Variants in SUN1 observed in about 807,000 individuals in gnomAD.
SUN1 encodes Sad1 and UNC84 domain containing 1.
In SUN1, 61 loss-of-function variants were observed where a neutral mutation model predicts 103.2. The observed-to-expected ratio is 0.59, with a 90% CI of 0.48 to 0.73. SUN1 has a LOEUF of 0.73. Among genes scored for constraint, SUN1 ranks in the 30% least tolerant of loss-of-function variants. The pLI is 0.00. For missense variants in SUN1, 1,052 were observed against 1,034.6 expected, an observed-to-expected ratio of 1.02 and a Z score of -0.23; for synonymous variants, 490 against 425.7, an observed-to-expected ratio of 1.15 and a Z score of -1.86.
At chr7:842,222 G>A (rs1017021001) in intron 3 of SUN1, 92 bp downstream of exon 3, 12 of 1,375,078 alleles carry the variant, frequency 8.7e-6, no homozygotes, top group Admixed American at 8.5e-5. Flanking sequence ...CCAGGTTGTC[G>A]GTTTGCATGG....
At chr7:859,637 C>G (rs997435558) in intron 13 of SUN1, among the ~76,000 whole-genome samples, 5 of 152,176 alleles carry the variant, frequency 3.3e-5, no homozygotes, top group Non-Finnish European at 7.4e-5. Flanking sequence ...CCTTCACGGT[C>G]TGTTGTTACG....
At chr7:828,380 T>A (rs1794803164), upstream of SUN1, among the ~76,000 whole-genome samples, 2 of 151,998 alleles carry the variant, frequency 1.3e-5, no homozygotes. Context: ...CAATCAGTTC[T>A]CCTGCCTCAG....
At chr7:840,544 C>T (rs1397458958) in intron 2 of SUN1, among the ~76,000 whole-genome samples, 4 of 152,110 alleles carry the variant, frequency 2.6e-5, no homozygotes, top group Non-Finnish European at 4.4e-5. Context: ...CCCTACCTGA[C>T]GGTGGTAACA....
intron 1 of SUN1, among the ~76,000 whole-genome samples, chr7:826,943 T>C (rs1379760974): frequency 6.6e-6 from 1 of 152,254 alleles, no homozygotes; most frequent in African/African-American, 2.4e-5. Context: ...AAGTTTGCCT[T>C]TTCCAGTTTT....
Position 845,459 on chromosome 7 carries a change from G to T in SUN1, c.658+1939G>T, listed in dbSNP as rs547509074. Among the ~76,000 whole-genome samples, 33 of 152,080 alleles carry T rather than the reference G, an allele frequency of 2.2e-4. No homozygotes were observed. The South Asian group carries it at 5.8e-3, about 27-fold the overall frequency. Reference sequence around the variant, plus strand: ...CACACTAGTGTATCGCCCTGTATTAGAGTAAAACATGTTTATCAAAGAACA... The same window carrying T: ...CACACTAGTGTATCGCCCTGTATTATAGTAAAACATGTTTATCAAAGAACA... On this transcript the variant is annotated intron_variant, in intron 5 of 18. Transcript: ENST00000401592.
chr7:851,998 A>G lies in SUN1; in HGVS notation c.806A>G (p.Gln269Arg), dbSNP rs1160003034. The G allele has an allele frequency of 1.2e-6, 2 of 1,614,016 alleles. No individual in the cohort carries two copies. Among genetic ancestry groups the G allele is most frequent in the African/African-American group, 1.3e-5 (1 of 74,928 alleles). Residue 269 changes from glutamine to arginine, a missense_variant, in exon 7 of 19, where the codon CAG (glutamine) becomes CGG (arginine). Transcript: ENST00000401592. ...VFWWLGIGWY[Q>R]FVTLISWLNV... is the part of the protein sequence containing the mutation. ...TGGTGGCTGGGGATTGGATGGTACC[A>G]GTTTGTTACTTTGATTTCTTGGCTG...
At chr7:869,291 T>C in intron 16 of SUN1, 58 bp from the exon 17 acceptor site, 1 of 1,555,328 alleles carries the variant, frequency 6.4e-7, no homozygotes, top group South Asian at 1.2e-5. Flanking sequence ...CTCTTCCTGC[T>C]GCTAAGTGGG....
chr7:826,253 G>A (rs745816181), intron 1 of SUN1, among the ~76,000 whole-genome samples: 2 of 152,196 alleles, frequency 1.3e-5, no homozygotes, highest in Non-Finnish European at 2.9e-5. Context: ...AAGAAAGAAA[G>A]AACAAAGAAA....
At chr7:856,438 G>A in intron 12 of SUN1, 37 bp downstream of exon 12, 12 of 1,580,278 alleles carry the variant, frequency 7.6e-6, no homozygotes, top group Non-Finnish European at 1.0e-5. Context: ...TTTGTCTTCG[G>A]TGTGTGTGTG....
intron 5 of SUN1, chr7:843,815 T>G: frequency 7.1e-7 from 1 of 1,410,894 alleles, no homozygotes; most frequent in Non-Finnish European, 9.2e-7. Context: ...CACTTTCAGA[T>G]GCACACCTTT....
At chr7:830,551 C>A (rs1430064818), upstream of SUN1, among the ~76,000 whole-genome samples, 1 of 151,818 alleles carries the variant, frequency 6.6e-6, no homozygotes, top group Non-Finnish European at 1.5e-5. Context: ...ATGATGAAGA[C>A]AGATTAAGGG....
chr7:816,654 G>A (rs906962137), exon 1 of SUN1: 3 of 280,376 alleles, frequency 1.1e-5, no homozygotes, highest in Non-Finnish European at 7.2e-6. Flanking sequence ...GACGAGGCCT[G>A]AGGCGGCGGC....
At chr7:847,218 C>T (rs1401181360) in intron 5 of SUN1, among the ~76,000 whole-genome samples, 1 of 152,060 alleles carries the variant, frequency 6.6e-6, no homozygotes, top group African/African-American at 2.4e-5. Context: ...AGTTGGCGGC[C>T]TTCCCCTGGG....
intron 1 of SUN1, chr7:817,214 C>T (rs1462618585): frequency 1.2e-5 from 7 of 579,314 alleles, no homozygotes; most frequent in South Asian, 1.2e-4. Flanking sequence ...CCCGCCTCCG[C>T]CTCCCGAAGC....
intron 16 of SUN1, 31 bp downstream of exon 16, chr7:866,098 C>G (rs1836273060): frequency 1.3e-6 from 2 of 1,589,046 alleles, no homozygotes; most frequent in Admixed American, 1.7e-5. Context: ...GGAGCTGCTC[C>G]TCTTCAGCAT....
chr7:838,646 C>G (rs1805950868), intron 1 of SUN1, 152 bp from the exon 2 acceptor site: 2 of 726,750 alleles, frequency 2.8e-6, no homozygotes, highest in East Asian at 3.0e-5. Context: ...CTGTGTGCCA[C>G]CGTACGTTTG....
upstream of SUN1, chr7:816,601 T>TGA (rs1399504415): frequency 2.5e-6 from 1 of 395,438 alleles, no homozygotes; most frequent in Non-Finnish European, 5.0e-6. Context: ...GGCCCGCGAT[T>TGA]GGCTGGCGTG....
rs183467710 is a variant in SUN1, at chr7:841,305, G to A, written c.267-641G>A. On this transcript the variant is annotated intron_variant, in intron 2 of 18. Coordinates refer to ENST00000401592, the MANE Select transcript of SUN1 (RefSeq NM_001130965.3). ...GTCACCCAGGCTGGAGTGCAGTGGC[G>A]TGATCTCAGATCACTGCAACCTCTG... Among the ~76,000 whole-genome samples, 99 of 147,384 alleles carry A rather than the reference G, an allele frequency of 6.7e-4. 1 individual carries two copies. The highest frequency in any genetic ancestry group is 5.2e-3 in the Admixed American group (76 of 14,666).
In SUN1 at chr7:861,308, C is replaced by T. The variant is rs1010689842; in HGVS notation, c.1780-72C>T. On this transcript the variant is annotated intron_variant, in intron 14 of 18. Transcript: ENST00000401592. ...TCTAATGTAAGTGTCTGGTCCTCAT[C>T]CATGGCACTAAAACCCACGTCTCTC... 2.7e-6 allele frequency: 4 copies of T among 1,468,008 alleles called. No individual in the cohort carries two copies. In the African/African-American group the frequency reaches 5.6e-5, roughly 20 times the overall value. The allele number at this position is 1,468,008 out of a possible 1,614,324, so 90.9% of individuals were successfully genotyped here. A position where few individuals can be genotyped will look rare whatever the true frequency, so the allele number is the denominator to read the frequency against.
Sources: allele counts gnomAD v4.1 joint callset (sites outside exome capture counted in the v4.1 genomes callset), GRCh38; gene constraint gnomAD v4.1.1; transcripts MANE v1.5; gene names NCBI Gene and HGNC (gene_info 2026-07-23, HGNC 2026-07-21).